EHBP1L1: variants seen among roughly 807,000 people sequenced by gnomAD.
EHBP1L1 encodes EH domain-binding protein 1-like protein 1.
EHBP1L1 carries 122 observed loss-of-function variants against 151.1 expected under a neutral mutation model. The observed-to-expected ratio is 0.81, with a 90% confidence interval of 0.70 to 0.94. The LOEUF (loss-of-function observed/expected upper bound fraction) is 0.94. EHBP1L1 is among the 40% of genes least tolerant of loss of function. The probability of loss-of-function intolerance (pLI) is 0.00; values close to 1 mark genes in which losing one functional copy is unlikely to be tolerated. For synonymous variants in EHBP1L1, 878 were observed against 810.1 expected (o/e 1.08, Z -1.42); for missense variants, 1,941 against 1,959.8 (o/e 0.99, Z 0.18).
At chr11:65,591,690 TGGGGA>T (rs989727496) in intron 16 of EHBP1L1, 105 bp from the exon 17 acceptor site, 2 of 859,436 alleles carry the variant, frequency 2.3e-6, no homozygotes, top group African/African-American at 3.3e-5. Flanking sequence ...CGGGAACTGC[TGGGGA>T]GGTGGGATGG....
Position 65,582,432 on chromosome 11 carries a change from AAG to A in EHBP1L1, c.1762_1763del (p.Glu588SerfsTer2). ...TTGGAGGTGCTGGGAACCCAGGAGA[AAG>A]AAGTTGAGGGGTCAGGGTTCCCAGA... On this transcript the variant is annotated frameshift_variant, in exon 9 of 19. Coordinates refer to ENST00000309295, the MANE Select transcript of EHBP1L1 (RefSeq NM_001099409.3). LOFTEE classifies it high-confidence loss of function. The A allele has an allele frequency of 3.7e-6, 6 of 1,610,846 alleles. No individual in the cohort carries two copies. The highest frequency in any genetic ancestry group is 5.1e-6 in the Non-Finnish European group (6 of 1,178,976).
At position 65,592,345 on chromosome 11, in the gene EHBP1L1, G is replaced by A. The variant is rs1858379598; in HGVS notation, c.*43G>A. 2 of 1,328,294 alleles carry A rather than the reference G, an allele frequency of 1.5e-6. No individual in the cohort carries two copies. The highest frequency in any genetic ancestry group is 3.4e-5 in the South Asian group (2 of 59,012). 82.3% of individuals were successfully genotyped at this position (1,328,294 alleles called of 1,614,324 possible). ...GCCCATAACTTCTCGCGTCCCCGGC[G>A]TCCGCCGCCGCCCCGGGCCTGCGCT... On this transcript the variant is annotated 3_prime_UTR_variant, in exon 19 of 19. Coordinates refer to ENST00000309295, the MANE Select transcript of EHBP1L1 (RefSeq NM_001099409.3).
rs200737750 is a variant in EHBP1L1 at position 65,583,617 on chromosome 11, T to C, written c.2945T>C (p.Leu982Ser). ...GCCCAGGAAGCGGAGGCTGGGGTCT[T>C]GGGAAATGAGAAGGGGAAAGAAGCT... is the stretch of plus-strand genomic sequence containing the variant. ...FKAQEAEAGV[L>S]GNEKGKEAEG... The change falls in exon 9 of 19, where the codon TTG (leucine) becomes TCG (serine). Residue 982 changes from leucine to serine, a missense_variant. By Grantham distance (145) the Leu-to-Ser change is moderately radical (BLOSUM62 -2). Transcript: ENST00000309295. 2.5e-6 allele frequency: 4 copies of C among 1,608,018 alleles called. No individual in the cohort carries two copies. In the African/African-American group the frequency reaches 5.3e-5, roughly 21 times the overall value.
Position 65,582,604 on chromosome 11 carries a change from A to C in EHBP1L1, c.1932A>C (p.Pro644=). ...CAGAGGTGGGGGTCATAGAGACCCC[A>C]GGGACAGAGACTGAGGTATTGGGGA... The part of the protein sequence containing the change: ...QETEVGVIET[P]GTETEVLGTQ... Residue 644 remains proline (P), a synonymous_variant, in exon 9 of 19, where the codon CCA becomes CCC. Transcript: ENST00000309295. The C allele has an allele frequency of 6.2e-7, 1 of 1,612,972 alleles. No homozygotes were observed. Among genetic ancestry groups the C allele is most frequent in the Non-Finnish European group, 8.5e-7 (1 of 1,179,694 alleles).
rs1204039938 is a variant in EHBP1L1, at chr11:65,580,824, G to A, written c.635-234G>A. The A allele has an allele frequency of 1.4e-5, 15 of 1,101,930 alleles. No individual in the cohort carries two copies. The East Asian group carries it at 3.7e-4, about 27-fold the overall frequency. 68.3% of individuals were successfully genotyped at this position (1,101,930 alleles called of 1,614,324 possible). ...CACCAGCCCTCCTGGGCCAGCTGGG[G>A]CTTCCTCATTCCTCCCTGCTGCTTG... On this transcript the variant is annotated intron_variant, in intron 6 of 18. Transcript: ENST00000309295.
chr11:65,581,516 TC>T, intron 8 of EHBP1L1, 22 bp from the exon 9 acceptor site: 1 of 1,455,250 alleles, frequency 6.9e-7, no homozygotes, highest in Non-Finnish European at 9.1e-7. Flanking sequence ...GCCCCCCAAC[TC>T]CCCCTCCTGC....
At chr11:65,591,763 G>GCCCCCCCCCCCCC in intron 16 of EHBP1L1, 37 bp from the exon 17 acceptor site, 1 of 1,128,586 alleles carries the variant, frequency 8.9e-7, no homozygotes, top group Non-Finnish European at 1.3e-6. Flanking sequence ...TTCCTGAACT[G>GCCCCCCCCCCCCC]CCACCCCCCC....
At position 65,582,263 on chromosome 11, in the gene EHBP1L1, G is replaced by A; in HGVS notation, c.1591G>A (p.Ala531Thr). Residue 531 changes from alanine to threonine, a missense_variant, in exon 9 of 19, where the codon GCA (alanine) becomes ACA (threonine). Transcript: ENST00000309295. Reference protein sequence around the residue: ...TGLEQGPSVGAISTRPQVSSW... With the variant: ...TGLEQGPSVGTISTRPQVSSW... ...CCTGGAGCAGGGCCCTTCTGTTGGA[G>A]CAATAAGCACCAGGCCCCAGGTGAG... 6.5e-7 allele frequency: 1 copy of A among 1,526,954 alleles called. No individual in the cohort carries two copies. Among genetic ancestry groups the A allele is most frequent in the South Asian group, 1.3e-5 (1 of 75,896 alleles). The allele number at this position is 1,526,954 out of a possible 1,614,324, so 94.6% of individuals were successfully genotyped here. A position where few individuals can be genotyped will look rare whatever the true frequency, so the allele number is the denominator to read the frequency against.
rs781520307 is a variant in EHBP1L1 at position 65,585,019 on chromosome 11, C to T, written c.3361C>T (p.Leu1121=). The change falls in exon 12 of 19, where the codon CTA becomes TTA. Residue 1121 remains leucine (L), a synonymous_variant. Coordinates refer to ENST00000309295, the MANE Select transcript of EHBP1L1 (RefSeq NM_001099409.3). This position sits in a 1 kb window ranked among gnomAD's most constrained non-coding sequence, Gnocchi z 4.0. ...GCTGCTGGAGCCCGCGGACATGGTGCTACTGTCGGTGCCCGACAAGCTCAT... is the reference window on the plus strand; with the variant it reads ...GCTGCTGGAGCCCGCGGACATGGTGTTACTGTCGGTGCCCGACAAGCTCAT... ...SRLLEPADMV[L]LSVPDKLIVM... 4.2e-5 allele frequency: 65 copies of T among 1,536,042 alleles called. No individual in the cohort carries two copies. Among genetic ancestry groups the T allele is most frequent in the Admixed American group, 2.0e-5 (1 of 51,154 alleles).
chr11:65,589,814 C>A lies in EHBP1L1; in HGVS notation c.3997C>A (p.Pro1333Thr). The A allele has an allele frequency of 6.4e-7, 1 of 1,563,156 alleles. No individual in the cohort carries two copies. Among genetic ancestry groups the A allele is most frequent in the Non-Finnish European group, 8.7e-7 (1 of 1,153,778 alleles). Residue 1333 changes from proline (P) to threonine (T), a missense_variant, in exon 13 of 19, where the codon CCC (proline) becomes ACC (threonine). Coordinates refer to ENST00000309295, the MANE Select transcript of EHBP1L1 (RefSeq NM_001099409.3). ...ACCCACAGCTGCAGACTCTCAACAGCCCCCTGGTGAGTAGCAGGAGTGGTG... is the reference window on the plus strand; with the variant it reads ...ACCCACAGCTGCAGACTCTCAACAGACCCCTGGTGAGTAGCAGGAGTGGTG... ...GPPTAADSQQ[P>T]PGGSSPSEEP...
chr11:65,579,926 T>C lies in EHBP1L1; in HGVS notation c.259-10T>C. On this transcript the variant is annotated splice_polypyrimidine_tract_variant and intron_variant, in intron 3 of 18. Transcript: ENST00000309295. Reference sequence around the variant, plus strand: ...AACAGTCCTGTACTCACCAGCACCCTTCTTCCCAGGACCCCCACGTGGACC... The same window carrying C: ...AACAGTCCTGTACTCACCAGCACCCCTCTTCCCAGGACCCCCACGTGGACC... 1 of 1,613,404 alleles carries C rather than the reference T, an allele frequency of 6.2e-7. No individual in the cohort carries two copies. Among genetic ancestry groups the C allele is most frequent in the Non-Finnish European group, 8.5e-7 (1 of 1,179,764 alleles).
intron 6 of EHBP1L1, 135 bp from the exon 7 acceptor site, chr11:65,580,923 C>CGCAG: frequency 1.4e-6 from 2 of 1,440,138 alleles, no homozygotes; most frequent in Non-Finnish European, 1.8e-6. Context: ...TGTCTCTTCT[C>CGCAG]GCAGGCCGGG....
rs1044013569 is a variant in EHBP1L1, at chr11:65,585,950, C to T, written c.3933+359C>T. Among the ~76,000 whole-genome samples, 2 of 152,338 alleles carry T rather than the reference C, an allele frequency of 1.3e-5. No homozygotes were observed. The highest frequency in any genetic ancestry group is 3.4e-3 in the Middle Eastern group (1 of 294). ...AGAAGTTCCCGGAGCATCCACGTTC[C>T]TGGCACTCTGCCCAGTGCTTGGTAG... On this transcript the variant is annotated intron_variant, in intron 12 of 18. Coordinates refer to ENST00000309295, the MANE Select transcript of EHBP1L1 (RefSeq NM_001099409.3). This position sits in a 1 kb window ranked among gnomAD's most constrained non-coding sequence, Gnocchi z 4.0.
At chr11:65,584,740 T>G in intron 11 of EHBP1L1, 1 of 988,634 alleles carries the variant, frequency 1.0e-6, no homozygotes, top group Non-Finnish European at 1.5e-6. Flanking sequence ...AGATGGTTTT[T>G]CCAAAACCAC....
chr11:65,584,775 T>C, intron 11 of EHBP1L1, 184 bp from the exon 12 acceptor site: 1 of 979,418 alleles, frequency 1.0e-6, no homozygotes, highest in Non-Finnish European at 1.5e-6. Context: ...GTGGACGGTG[T>C]GCCGTTGCTA....
Position 65,582,537 on chromosome 11 carries a change from T to C in EHBP1L1, c.1865T>C (p.Val622Ala). ...AGATCAAGGGTCCTGGAGTCAGAGG[T>C]TGCTGGGACAGCACAGTGTGAGGGA... ...AARSRVLESE[V>A]AGTAQCEGLE... The change falls in exon 9 of 19, where the codon GTT becomes GCT. Residue 622 changes from valine (V) to alanine (A), a missense_variant. Physicochemically the swap from Val to Ala is moderately conservative, Grantham distance 64. Transcript: ENST00000309295. 6 of 1,613,042 alleles carry C rather than the reference T, an allele frequency of 3.7e-6. No individual in the cohort carries two copies. Among genetic ancestry groups the C allele is most frequent in the Non-Finnish European group, 4.2e-6 (5 of 1,179,722 alleles).
rs1858220294 is a variant in EHBP1L1 at position 65,590,571 on chromosome 11, G to A, written c.4262G>A (p.Arg1421Lys). The change falls in exon 16 of 19, where the codon AGG becomes AAG. Residue 1421 changes from arginine to lysine, a missense_variant. Physicochemically the swap from Arg to Lys is conservative, Grantham distance 26 (BLOSUM62 2). Coordinates refer to ENST00000309295, the MANE Select transcript of EHBP1L1 (RefSeq NM_001099409.3). ...LVNKKNALIR[R>K]QDQLQLLMEE... ...AACAAGAAGAACGCTCTCATCCGGA[G>A]GCAGGACCAGCTGCAGCTGCTGTGA... 1.2e-6 allele frequency: 2 copies of A among 1,613,500 alleles called. No homozygotes were observed. The highest frequency in any genetic ancestry group is 1.7e-6 in the Non-Finnish European group (2 of 1,179,862).
chr11:65,585,724 G>A lies in EHBP1L1; in HGVS notation c.3933+133G>A. 7.1e-7 allele frequency: 1 copy of A among 1,409,928 alleles called. No individual in the cohort carries two copies. The allele number at this position is 1,409,928 out of a possible 1,614,324, so 87.3% of individuals were successfully genotyped here. On this transcript the variant is annotated intron_variant, in intron 12 of 18. Coordinates refer to ENST00000309295, the MANE Select transcript of EHBP1L1 (RefSeq NM_001099409.3). This position sits in a 1 kb window ranked among gnomAD's most constrained non-coding sequence, Gnocchi z 4.0. ...AGGGTGACGGTTTCAGAGTGGCGGG[G>A]CTCGGCTGGACCCAGGAGGGGCTAT... is the stretch of plus-strand genomic sequence containing the variant.
intron 1 of EHBP1L1, 86 bp from the exon 2 acceptor site, chr11:65,578,992 G>A: frequency 2.3e-6 from 3 of 1,326,664 alleles, no homozygotes; most frequent in Non-Finnish European, 3.1e-6. Context: ...TGAGGGAGCT[G>A]GGGGAGGAGG....
Sources: allele counts gnomAD v4.1 joint callset (sites outside exome capture counted in the v4.1 genomes callset), GRCh38; gene constraint gnomAD v4.1.1; non-coding constraint Gnocchi (gnomAD v3.1); transcripts MANE v1.5; gene names NCBI Gene and HGNC (gene_info 2026-07-23, HGNC 2026-07-21).